Variants in HDAC9 observed in about 807,000 individuals in gnomAD.
The protein encoded by HDAC9 is histone deacetylase 9.
HDAC9 carries 41 observed loss-of-function variants against 139.4 expected under a neutral mutation model. That is an observed-to-expected ratio of 0.29 (90% CI 0.23 to 0.38). The LOEUF is 0.38. Among genes scored for constraint, HDAC9 ranks in the 10% least tolerant of loss-of-function variants. The pLI, the probability that HDAC9 is intolerant of heterozygous loss-of-function variation, is 1.00. For missense variants in HDAC9, 1,147 were observed against 1,297.0 expected, an observed-to-expected ratio of 0.88 and a Z score of 1.78; for synonymous variants, 517 against 476.2, an observed-to-expected ratio of 1.09 and a Z score of -1.12.
intron 16 of HDAC9, among the ~76,000 whole-genome samples, chr7:18,784,962 TG>T (rs1791578380): frequency 4.0e-5 from 6 of 151,772 alleles, no homozygotes; most frequent in African/African-American, 7.3e-5. Context: ...TGTGTGTGTG[TG>T]TGTGTGTGTG....
At chr7:18,091,611 A>G (rs1379030805) in intron 1 of HDAC9, among the ~76,000 whole-genome samples, 1 of 152,216 alleles carries the variant, frequency 6.6e-6, no homozygotes, top group Non-Finnish European at 1.5e-5. Context: ...CATTTCCACA[A>G]ATTTAGCAGC....
intron 12 of HDAC9, among the ~76,000 whole-genome samples, chr7:18,679,300 A>G (rs893521278): frequency 2.6e-5 from 4 of 151,968 alleles, no homozygotes; most frequent in Non-Finnish European, 5.9e-5. Context: ...ACAATTGCCT[A>G]TACATATACA....
intron 11 of HDAC9, among the ~76,000 whole-genome samples, chr7:18,661,140 T>C (rs1391333866): frequency 6.6e-6 from 1 of 152,070 alleles, no homozygotes; most frequent in East Asian, 1.9e-4. Context: ...AGAAACATGT[T>C]AAGATAAAGC....
At chr7:18,450,836 T>C (rs1792750891) in intron 1 of HDAC9, among the ~76,000 whole-genome samples, 1 of 152,052 alleles carries the variant, frequency 6.6e-6, no homozygotes. Flanking sequence ...GGAGTGTTTG[T>C]TTAGATATCT....
intron 1 of HDAC9, among the ~76,000 whole-genome samples, chr7:18,380,399 A>T (rs1785326019): frequency 6.6e-6 from 1 of 152,188 alleles, no homozygotes; most frequent in African/African-American, 2.4e-5. Flanking sequence ...TGTCAAATTA[A>T]ATTGTATTGA....
At chr7:18,965,605 C>T (rs546141219) in intron 24 of HDAC9, among the ~76,000 whole-genome samples, 2 of 152,328 alleles carry the variant, frequency 1.3e-5, no homozygotes, top group African/African-American at 4.8e-5. Context: ...GTTCAACTAT[C>T]CTTGTAGGTA....
At chr7:18,215,241 G>A (rs992046141) in intron 2 of HDAC9, among the ~76,000 whole-genome samples, 6 of 152,110 alleles carry the variant, frequency 3.9e-5, no homozygotes, top group South Asian at 2.1e-4. Context: ...TGATACCTCC[G>A]TGGGCCAGTC....
intron 21 of HDAC9, among the ~76,000 whole-genome samples, chr7:18,864,997 T>C (rs1798385932): frequency 6.6e-6 from 1 of 152,200 alleles, no homozygotes; most frequent in African/African-American, 2.4e-5. Context: ...GGCATATTTG[T>C]GAATAGAGTC....
intron 7 of HDAC9, among the ~76,000 whole-genome samples, chr7:18,630,058 T>TG (rs2128976084): frequency 6.6e-6 from 1 of 152,202 alleles, no homozygotes; most frequent in African/African-American, 2.4e-5. Flanking sequence ...GAAGAGTTAT[T>TG]TTTTTAGCTG....
At chr7:18,440,555 G>GTT (rs1791663781) in intron 1 of HDAC9, among the ~76,000 whole-genome samples, 1 of 152,014 alleles carries the variant, frequency 6.6e-6, no homozygotes. Flanking sequence ...GTGAATAAGG[G>GTT]TTTTTGTATG....
In HDAC9 at chr7:18,403,326, C is replaced by G. The variant is rs138790722; in HGVS notation, c.-41-92936C>G. On this transcript the variant is annotated intron_variant, in intron 1 of 3. Coordinates refer to the HDAC9 transcript ENST00000413509. ...GTCATCATTACTATAGAATGGCATA[C>G]TAGGTCTTATGATTTGATCAATACT... Among the ~76,000 whole-genome samples, 1,174 of 152,216 alleles carry G rather than the reference C, an allele frequency of 7.7e-3. 13 individuals are homozygous for G. The highest frequency in any genetic ancestry group is 0.01 in the Middle Eastern group (3 of 294).
At chr7:18,814,344 T>C (rs554199026) in intron 17 of HDAC9, among the ~76,000 whole-genome samples, 103 of 152,328 alleles carry the variant, frequency 6.8e-4, no homozygotes, top group African/African-American at 2.4e-3. Flanking sequence ...TAACATAAAA[T>C]GAAAGATATC....
intron 1 of HDAC9, among the ~76,000 whole-genome samples, chr7:18,144,950 A>G (rs1196729807): frequency 2.0e-5 from 3 of 152,176 alleles, no homozygotes; most frequent in Non-Finnish European, 4.4e-5. Context: ...ATTTTGAATG[A>G]CATCTTTCTG....
At chr7:18,209,850 G>A (rs556874057) in intron 2 of HDAC9, among the ~76,000 whole-genome samples, 7 of 151,854 alleles carry the variant, frequency 4.6e-5, no homozygotes, top group Non-Finnish European at 1.0e-4. Context: ...ACGGGCGCCC[G>A]CCACCACGCC....
chr7:18,251,854 A>G (rs918222349), intron 2 of HDAC9, among the ~76,000 whole-genome samples: 4 of 152,204 alleles, frequency 2.6e-5, no homozygotes, highest in South Asian at 2.1e-4. Flanking sequence ...GCAAACTACC[A>G]TGAAGTTAGT....
chr7:18,410,954 A>G (rs1377352664), intron 1 of HDAC9, among the ~76,000 whole-genome samples: 1 of 152,216 alleles, frequency 6.6e-6, no homozygotes, highest in Non-Finnish European at 1.5e-5. Flanking sequence ...GCCTTATAGA[A>G]TTATAATCGT....
intron 16 of HDAC9, among the ~76,000 whole-genome samples, chr7:18,789,286 G>GCGTGCACACA (rs146066951): frequency 4.0e-5 from 6 of 148,396 alleles, no homozygotes; most frequent in Non-Finnish European, 7.4e-5. Context: ...ACACATACAC[G>GCGTGCACACA]CACACACACA....
At chr7:18,574,834 A>C (rs1226921918) in intron 2 of HDAC9, among the ~76,000 whole-genome samples, 1 of 152,268 alleles carries the variant, frequency 6.6e-6, no homozygotes, top group Non-Finnish European at 1.5e-5. Context: ...TGGAGAGGCC[A>C]GGCAGCGACA....
At chr7:18,753,840 G>A (rs1788652972) in intron 14 of HDAC9, among the ~76,000 whole-genome samples, 1 of 152,014 alleles carries the variant, frequency 6.6e-6, no homozygotes, top group Non-Finnish European at 1.5e-5. Context: ...GAGGGTGTTA[G>A]GCAAGATATT....
Sources: allele counts gnomAD v4.1 joint callset (sites outside exome capture counted in the v4.1 genomes callset), GRCh38; gene constraint gnomAD v4.1.1; transcripts MANE v1.5; gene names NCBI Gene and HGNC (gene_info 2026-07-23, HGNC 2026-07-21).